Variants in CEP63 observed in about 807,000 individuals in gnomAD.
The protein encoded by CEP63 is centrosomal protein 63.
In CEP63, 84 loss-of-function variants were observed where a neutral mutation model predicts 89.1. That is an observed-to-expected ratio of 0.94 (90% confidence interval 0.79 to 1.13). The LOEUF is 1.13. CEP63 is among the 50% of genes most tolerant of loss of function. The probability of loss-of-function intolerance (pLI) is 0.00; values close to 1 mark genes in which losing one functional copy is unlikely to be tolerated. For synonymous variants in CEP63, 267 were observed against 272.5 expected, an observed-to-expected ratio of 0.98 and a Z score of 0.20; for missense variants, 838 against 813.3, an observed-to-expected ratio of 1.03 and a Z score of -0.37.
At chr3:134,493,794 T>A (rs1576713025) in intron 1 of CEP63, among the ~76,000 whole-genome samples, 1 of 152,212 alleles carries the variant, frequency 6.6e-6, no homozygotes, top group Non-Finnish European at 1.5e-5. Flanking sequence ...ACTATATATC[T>A]AGTTGTTAGT....
chr3:134,747,226 T>C, the CEP63 span, among the ~76,000 whole-genome samples: 1 of 152,214 alleles, frequency 6.6e-6, no homozygotes, highest in Non-Finnish European at 1.5e-5. Context: ...AAAGATCAGA[T>C]GGTTGTAGAT....
Position 134,550,096 on chromosome 3 carries a change from T to G in CEP63, c.1216T>G (p.Tyr406Asp). The G allele has an allele frequency of 6.2e-7, 1 of 1,614,034 alleles. No homozygotes were observed. The highest frequency in any genetic ancestry group is 8.5e-7 in the Non-Finnish European group (1 of 1,179,902). ...ACAGATTTTACAGGGTGAACAAAGT[T>G]ACAGTTCTGCACTAGAAGGAATGAA... ...KEQILQGEQS[Y>D]SSALEGMKME... The change falls in exon 11 of 15, where the codon TAC (tyrosine) becomes GAC (aspartate). Residue 406 changes from tyrosine (Y) to aspartate (D), a missense_variant. Tyr to Asp is a radical substitution (Grantham distance 160). Coordinates refer to ENST00000675561, the MANE Select transcript of CEP63 (RefSeq NM_001353108.3).
At chr3:134,733,889 C>A in the CEP63 span, among the ~76,000 whole-genome samples, 1 of 152,178 alleles carries the variant, frequency 6.6e-6, no homozygotes, top group Non-Finnish European at 1.5e-5. Flanking sequence ...ACTTCCCTAA[C>A]ATAATAAACC....
the CEP63 span, among the ~76,000 whole-genome samples, chr3:134,732,815 C>T: frequency 2.6e-5 from 4 of 152,136 alleles, no homozygotes; most frequent in African/African-American, 9.7e-5. Context: ...TTGTTGAGAA[C>T]TGTGAAGGGC....
chr3:134,520,698 A>T (rs1167150391), intron 3 of CEP63, among the ~76,000 whole-genome samples: 1 of 152,166 alleles, frequency 6.6e-6, no homozygotes, highest in Non-Finnish European at 1.5e-5. Flanking sequence ...AGACCAATGG[A>T]ACAGAATAAA....
At chr3:134,568,121 C>T (rs533631242), downstream of CEP63, among the ~76,000 whole-genome samples, 2 of 152,146 alleles carry the variant, frequency 1.3e-5, no homozygotes, top group Non-Finnish European at 2.9e-5. Context: ...TCTGGAGTGG[C>T]TATCCCTTTG....
chr3:134,577,491 A>G (rs1958244272), downstream of CEP63, among the ~76,000 whole-genome samples: 2 of 125,092 alleles, frequency 1.6e-5, no homozygotes, highest in South Asian at 2.7e-4. Context: ...GGCTGGTGCA[A>G]TCTTGGCTCA....
At chr3:134,751,487 C>T in the CEP63 span, among the ~76,000 whole-genome samples, 7 of 152,130 alleles carry the variant, frequency 4.6e-5, no homozygotes, top group East Asian at 1.2e-3. Flanking sequence ...CTAGACTTCC[C>T]AGGGCACTAT....
At chr3:134,510,686 C>G in intron 3 of CEP63, 1 of 587,836 alleles carries the variant, frequency 1.7e-6, no homozygotes, top group Non-Finnish European at 3.2e-6. Context: ...GCTTGTCTAG[C>G]ATGAAACTGG....
the CEP63 span, among the ~76,000 whole-genome samples, chr3:134,766,930 G>T: frequency 1.0e-3 from 156 of 152,314 alleles, 1 homozygote; most frequent in Non-Finnish European, 1.6e-3. Context: ...GGCTTGAGAG[G>T]TTCCTGTAGC....
the CEP63 span, among the ~76,000 whole-genome samples, chr3:134,769,910 G>T: frequency 6.6e-6 from 1 of 152,228 alleles, no homozygotes; most frequent in Non-Finnish European, 1.5e-5. Flanking sequence ...CTAGGCCTAA[G>T]GGCAAGGAAG....
the CEP63 span, among the ~76,000 whole-genome samples, chr3:134,767,402 T>C: frequency 6.6e-6 from 1 of 152,126 alleles, no homozygotes; most frequent in African/African-American, 2.4e-5. Context: ...GCTGGAGGGT[T>C]TTGGGGAAAT....
At chr3:134,704,478 T>C in the CEP63 span, among the ~76,000 whole-genome samples, 2 of 151,976 alleles carry the variant, frequency 1.3e-5, no homozygotes, top group South Asian at 4.2e-4. Flanking sequence ...CAGAGTCAGA[T>C]AAAGAAGGAA....
At chr3:134,675,071 A>C in the CEP63 span, among the ~76,000 whole-genome samples, 2 of 152,218 alleles carry the variant, frequency 1.3e-5, no homozygotes, top group African/African-American at 4.8e-5. Flanking sequence ...AATGTAAGGG[A>C]CCCAGAACAG....
upstream of CEP63, chr3:134,485,983 C>T (rs1406542994): frequency 1.1e-6 from 1 of 890,686 alleles, no homozygotes; most frequent in Non-Finnish European, 1.3e-6. Flanking sequence ...GACGCTTGCT[C>T]CTGCCACGCC....
the CEP63 span, among the ~76,000 whole-genome samples, chr3:134,682,213 G>A: frequency 1.3e-5 from 2 of 152,196 alleles, no homozygotes; most frequent in Non-Finnish European, 2.9e-5. Flanking sequence ...GAGCGGGTCA[G>A]GAGAATTAGT....
chr3:134,622,380 A>G, the CEP63 span, among the ~76,000 whole-genome samples: 2 of 152,232 alleles, frequency 1.3e-5, no homozygotes, highest in Non-Finnish European at 2.9e-5. Context: ...TTATTCAACT[A>G]CAAAAAGAAG....
the CEP63 span, among the ~76,000 whole-genome samples, chr3:134,695,458 C>A: frequency 3.3e-5 from 5 of 152,298 alleles, no homozygotes; most frequent in Admixed American, 1.3e-4. Context: ...TGGTGATGAC[C>A]TTTCTTGCTT....
chr3:134,709,645 CT>C, the CEP63 span, among the ~76,000 whole-genome samples: 1 of 152,192 alleles, frequency 6.6e-6, no homozygotes, highest in Admixed American at 6.5e-5. Context: ...TAAATGGACA[CT>C]TGTGCAGTGC....
Sources: allele counts gnomAD v4.1 joint callset (sites outside exome capture counted in the v4.1 genomes callset), GRCh38; gene constraint gnomAD v4.1.1; transcripts MANE v1.5; gene names NCBI Gene and HGNC (gene_info 2026-07-23, HGNC 2026-07-21).